The following KLHL1 variants were observed in gnomAD, a reference collection of about 807,000 sequenced individuals.
KLHL1 encodes kelch-like protein 1.
KLHL1 carries 47 observed loss-of-function variants against 77.7 expected under a neutral mutation model. That is an observed-to-expected ratio of 0.60 (90% CI 0.48 to 0.77). The LOEUF (loss-of-function observed/expected upper bound fraction) is 0.77, where lower values mean the gene tolerates loss of function less well. KLHL1 is among the 30% of genes least tolerant of loss of function. The pLI is 0.00. For synonymous variants in KLHL1, 360 were observed against 325.2 expected (o/e 1.11, Z -1.15); for missense variants, 925 against 910.8 (o/e 1.02, Z -0.20).
At chr13:70,051,321 C>T (rs1291097898) in intron 1 of KLHL1, among the ~76,000 whole-genome samples, 1 of 151,956 alleles carries the variant, frequency 6.6e-6, no homozygotes, top group Non-Finnish European at 1.5e-5. Context: ...GTATTCTTTG[C>T]ACATGAAAAT....
chr13:69,965,055 T>C lies in KLHL1; in HGVS notation c.681-3611A>G, dbSNP rs1884174032. ...TTTGGTTTGGTTTGGTTGTTATTGG[T>C]ATATTCACAGCTTTTTGATGGCTTT... On this transcript the variant is annotated intron_variant, in intron 2 of 10. Coordinates refer to ENST00000377844, the MANE Select transcript of KLHL1 (RefSeq NM_020866.3). Among the ~76,000 whole-genome samples, 2 of 152,210 alleles carry C rather than the reference T, an allele frequency of 1.3e-5. 1 individual carries two copies. The highest frequency in any genetic ancestry group is 4.1e-4 in the South Asian group (2 of 4,834).
At chr13:69,775,359 T>A (rs1002288826) in intron 7 of KLHL1, among the ~76,000 whole-genome samples, 1 of 152,150 alleles carries the variant, frequency 6.6e-6, no homozygotes, top group Non-Finnish European at 1.5e-5. Context: ...AAAACAAGCA[T>A]CTATTAATAT....
intron 1 of KLHL1, among the ~76,000 whole-genome samples, chr13:70,056,629 CT>C (rs1886751537): frequency 6.6e-6 from 1 of 152,120 alleles, no homozygotes; most frequent in African/African-American, 2.4e-5. Context: ...GGTATCTTCT[CT>C]GATCTCAACA....
intron 5 of KLHL1, among the ~76,000 whole-genome samples, chr13:69,862,851 G>T (rs914387333): frequency 6.6e-6 from 1 of 152,068 alleles, no homozygotes; most frequent in Non-Finnish European, 1.5e-5. Context: ...AAATTTGCAG[G>T]CACCTTGATC....
chr13:69,984,977 G>A (rs1243235773), intron 1 of KLHL1, among the ~76,000 whole-genome samples: 1 of 152,134 alleles, frequency 6.6e-6, no homozygotes. Context: ...CAGGCATGGT[G>A]GCGGGCGCCT....
At chr13:69,737,568 G>A (rs1324615840) in intron 8 of KLHL1, among the ~76,000 whole-genome samples, 1 of 152,222 alleles carries the variant, frequency 6.6e-6, no homozygotes, top group Admixed American at 6.5e-5. Flanking sequence ...AGCAAGACTG[G>A]GCGGTCTGGA....
In KLHL1 at chr13:69,709,049, A is replaced by G. The variant is rs548481554; in HGVS notation, c.2016-1253T>C. 1.1e-4 allele frequency among the ~76,000 whole-genome samples: 16 copies of G among 152,200 alleles called. No homozygotes were observed. In the South Asian group the frequency reaches 3.3e-3, roughly 32 times the overall value. ...TACCCACAATGTGATGTGAATTTGC[A>G]CACTGTGGTTGGGGGGTTTGTGCAT... On this transcript the variant is annotated intron_variant, in intron 9 of 10. Coordinates refer to ENST00000377844, the MANE Select transcript of KLHL1 (RefSeq NM_020866.3).
chr13:70,010,174 G>A (rs927321048), intron 1 of KLHL1, among the ~76,000 whole-genome samples: 1 of 152,112 alleles, frequency 6.6e-6, no homozygotes, highest in African/African-American at 2.4e-5. Flanking sequence ...TGTCTTGTAG[G>A]CCTAGGTAAG....
intron 6 of KLHL1, among the ~76,000 whole-genome samples, chr13:69,805,327 C>G (rs74090462): frequency 0.02 from 2,979 of 151,940 alleles, 86 homozygotes; most frequent in African/African-American, 0.067. Context: ...TTTTGAAAAT[C>G]CAGCATTTTG....
chr13:69,820,922 C>T (rs1316968952), intron 6 of KLHL1, among the ~76,000 whole-genome samples: 1 of 152,164 alleles, frequency 6.6e-6, no homozygotes, highest in Non-Finnish European at 1.5e-5. Flanking sequence ...AGTCCTAAAA[C>T]TCTGTTTTCT....
chr13:69,973,453 T>A (rs906002222), intron 2 of KLHL1, among the ~76,000 whole-genome samples: 5 of 151,786 alleles, frequency 3.3e-5, no homozygotes, highest in Non-Finnish European at 7.4e-5. Flanking sequence ...TTCATAAAAA[T>A]TATTTATTTT....
At chr13:69,723,131 T>C (rs1311374518) in intron 8 of KLHL1, among the ~76,000 whole-genome samples, 1 of 152,030 alleles carries the variant, frequency 6.6e-6, no homozygotes, top group Non-Finnish European at 1.5e-5. Flanking sequence ...GAATGTCTCA[T>C]AGAATTTGAG....
At chr13:69,754,015 G>A (rs146035272) in intron 7 of KLHL1, among the ~76,000 whole-genome samples, 1 of 146,852 alleles carries the variant, frequency 6.8e-6, no homozygotes, top group Non-Finnish European at 1.5e-5. Flanking sequence ...TTTTTTTTTT[G>A]TTTTTAGTAG....
At chr13:69,768,944 G>A (rs539189341) in intron 7 of KLHL1, among the ~76,000 whole-genome samples, 2 of 152,204 alleles carry the variant, frequency 1.3e-5, no homozygotes, top group African/African-American at 2.4e-5. Context: ...TTACTTTCAT[G>A]TAATGCAGTT....
chr13:70,080,729 T>A (rs1310739075), intron 1 of KLHL1, among the ~76,000 whole-genome samples: 1 of 152,078 alleles, frequency 6.6e-6, no homozygotes, highest in Non-Finnish European at 1.5e-5. Flanking sequence ...CCCGAGTAGC[T>A]GGGACTACAC....
At chr13:69,877,308 A>C (rs1189214535) in intron 5 of KLHL1, among the ~76,000 whole-genome samples, 1 of 152,164 alleles carries the variant, frequency 6.6e-6, no homozygotes, top group Non-Finnish European at 1.5e-5. Context: ...CTACAAAGAA[A>C]TATCTTATGA....
At chr13:69,966,022 A>G (rs1250165223) in intron 2 of KLHL1, among the ~76,000 whole-genome samples, 2 of 152,190 alleles carry the variant, frequency 1.3e-5, no homozygotes, top group African/African-American at 4.8e-5. Flanking sequence ...GGTTGGTGCA[A>G]AAGTTATTAT....
At chr13:69,901,923 G>C (rs148084612) in intron 4 of KLHL1, among the ~76,000 whole-genome samples, 1 of 151,022 alleles carries the variant, frequency 6.6e-6, no homozygotes, top group South Asian at 2.1e-4. Flanking sequence ...TCAGCCTTCC[G>C]AGCAGCTGGG....
intron 4 of KLHL1, among the ~76,000 whole-genome samples, chr13:69,893,704 C>T (rs1881521829): frequency 2.0e-5 from 3 of 152,002 alleles, no homozygotes; most frequent in Non-Finnish European, 2.9e-5. Flanking sequence ...ATATTTTGTA[C>T]CTAAGATGCA....
Sources: allele counts gnomAD v4.1 joint callset (sites outside exome capture counted in the v4.1 genomes callset), GRCh38; gene constraint gnomAD v4.1.1; transcripts MANE v1.5; gene names NCBI Gene and HGNC (gene_info 2026-07-23, HGNC 2026-07-21).